Variants in PPFIA2 observed in about 807,000 individuals in gnomAD.
PPFIA2 encodes PPFI scaffold protein A2, also known as liprin-alpha-2.
A neutral mutation model predicts 175.5 loss-of-function variants in PPFIA2; 46 were observed. The ratio of observed to expected loss-of-function variants is 0.26; its 90% CI spans 0.21 to 0.34. PPFIA2 has a LOEUF of 0.34. Ranked by LOEUF, PPFIA2 falls within the 10% of genes least tolerant of loss-of-function variation. PPFIA2 has a pLI of 1.00. For missense variants in PPFIA2, 1,179 were observed against 1,506.1 expected (o/e 0.78, Z 3.60); for synonymous variants, 568 against 511.4 (o/e 1.11, Z -1.49).
chr12:81,402,252 T>C (rs2042207158), intron 8 of PPFIA2, among the ~76,000 whole-genome samples: 1 of 152,202 alleles, frequency 6.6e-6, no homozygotes, highest in Non-Finnish European at 1.5e-5. Flanking sequence ...CACTTTTCAA[T>C]TTACACACTA....
chr12:81,421,280 A>G (rs1272018671), intron 7 of PPFIA2, among the ~76,000 whole-genome samples: 5 of 152,114 alleles, frequency 3.3e-5, no homozygotes, highest in Non-Finnish European at 7.4e-5. Context: ...TTAAAGTAAC[A>G]TTATAATTGT....
intron 4 of PPFIA2, among the ~76,000 whole-genome samples, chr12:81,490,774 A>G (rs1288835775): frequency 6.6e-6 from 1 of 151,710 alleles, no homozygotes; most frequent in Non-Finnish European, 1.5e-5. Context: ...TTGTTTTTTG[A>G]CTGCTGTTTA....
chr12:81,478,146 A>G (rs2057722905), intron 4 of PPFIA2, among the ~76,000 whole-genome samples: 2 of 152,078 alleles, frequency 1.3e-5, no homozygotes, highest in Admixed American at 1.3e-4. Context: ...CGGAGGGTGT[A>G]TATGTCCAGG....
chr12:81,548,082 A>G (rs1221433198), intron 4 of PPFIA2, among the ~76,000 whole-genome samples: 2 of 152,312 alleles, frequency 1.3e-5, no homozygotes, highest in East Asian at 3.9e-4. Context: ...TTGCTACTAT[A>G]TATCGTAATT....
intron 22 of PPFIA2, among the ~76,000 whole-genome samples, chr12:81,322,155 C>T (rs1048888696): frequency 1.5e-4 from 23 of 152,056 alleles, no homozygotes; most frequent in African/African-American, 3.1e-4. Flanking sequence ...TGGCTTTAAT[C>T]GGCTATCCTG....
rs529443610 is a variant in PPFIA2 at position 81,259,561 on chromosome 12, C to T, written c.*133G>A. ...TTTTTCAGCTTTTAATAAGTCATGA[C>T]GTCATTATTTCCTTAGAATTCAGTT... On this transcript the variant is annotated 3_prime_UTR_variant, in exon 33 of 33. Coordinates refer to ENST00000549396, the MANE Select transcript of PPFIA2 (RefSeq NM_003625.5). 3.5e-5 allele frequency: 49 copies of T among 1,398,936 alleles called. No individual in the cohort carries two copies. The highest frequency in any genetic ancestry group is 4.5e-5 in the Non-Finnish European group (46 of 1,024,700). 86.7% of individuals were successfully genotyped at this position (1,398,936 alleles called of 1,614,324 possible). A position where few individuals can be genotyped will look rare whatever the true frequency, so the allele number is the denominator to read the frequency against.
intron 4 of PPFIA2, among the ~76,000 whole-genome samples, chr12:81,645,608 G>A (rs971205244): frequency 6.6e-6 from 1 of 152,210 alleles, no homozygotes; most frequent in African/African-American, 2.4e-5. Context: ...AGAAAGCTGA[G>A]TACTTAAGAC....
chr12:81,264,215 A>G (rs2036526294), intron 30 of PPFIA2, among the ~76,000 whole-genome samples: 1 of 152,190 alleles, frequency 6.6e-6, no homozygotes, highest in African/African-American at 2.4e-5. Flanking sequence ...GGGTGAATCC[A>G]CATTTTAGAA....
At chr12:81,632,105 T>C (rs994514576) in intron 4 of PPFIA2, among the ~76,000 whole-genome samples, 9 of 152,226 alleles carry the variant, frequency 5.9e-5, no homozygotes, top group Non-Finnish European at 1.2e-4. Context: ...AATACAACTT[T>C]AGAAAATATT....
At position 81,589,482 on chromosome 12, in the gene PPFIA2, G is replaced by A. The variant is rs577750711; in HGVS notation, c.303+87309C>T. Among the ~76,000 whole-genome samples the A allele has an allele frequency of 4.6e-5, 7 of 152,204 alleles. No individual in the cohort carries two copies. In the East Asian group the frequency reaches 1.2e-3, roughly 25 times the overall value. ...AATACTATCAGTAACGACTACATGA[G>A]GGGGTGTAGTTAAATAAAAGCCTTA... On this transcript the variant is annotated intron_variant, in intron 4 of 32. Transcript: ENST00000549396.
At chr12:81,301,497 A>T (rs1471462039) in intron 22 of PPFIA2, among the ~76,000 whole-genome samples, 2 of 152,172 alleles carry the variant, frequency 1.3e-5, no homozygotes, top group Non-Finnish European at 2.9e-5. Flanking sequence ...GAAACTTCTG[A>T]CTAGTTCCCT....
At chr12:81,744,963 C>G (rs751159791) in intron 3 of PPFIA2, among the ~76,000 whole-genome samples, 49 of 151,850 alleles carry the variant, frequency 3.2e-4, no homozygotes, top group Admixed American at 2.6e-4. Flanking sequence ...GTAATAACAA[C>G]AGCCTCATTG....
chr12:81,424,072 G>T (rs2046749454), intron 7 of PPFIA2, among the ~76,000 whole-genome samples: 1 of 151,934 alleles, frequency 6.6e-6, no homozygotes, highest in Non-Finnish European at 1.5e-5. Flanking sequence ...TTTAATATCT[G>T]TGCATTCTAG....
chr12:81,276,528 C>T (rs2040575933), intron 28 of PPFIA2, among the ~76,000 whole-genome samples: 1 of 152,068 alleles, frequency 6.6e-6, no homozygotes, highest in South Asian at 2.1e-4. Flanking sequence ...ACATATTCCT[C>T]TTTGAAATTA....
At chr12:81,405,016 A>G (rs1681036398) in intron 8 of PPFIA2, among the ~76,000 whole-genome samples, 1 of 152,140 alleles carries the variant, frequency 6.6e-6, no homozygotes, top group Non-Finnish European at 1.5e-5. Context: ...CCAACACAGG[A>G]TGTGTGAATG....
chr12:81,381,074 C>A (rs956652633), intron 9 of PPFIA2, among the ~76,000 whole-genome samples: 6 of 151,472 alleles, frequency 4.0e-5, no homozygotes, highest in Non-Finnish European at 8.8e-5. Flanking sequence ...GTTTCATCAA[C>A]GCCATCAGTT....
chr12:81,739,291 C>G (rs1159049755), intron 3 of PPFIA2, among the ~76,000 whole-genome samples: 1 of 151,926 alleles, frequency 6.6e-6, no homozygotes, highest in African/African-American at 2.4e-5. Flanking sequence ...GGAATACTAG[C>G]TGAAGAGATT....
At chr12:81,411,804 A>C (rs1175942229) in intron 7 of PPFIA2, among the ~76,000 whole-genome samples, 2 of 152,056 alleles carry the variant, frequency 1.3e-5, no homozygotes, top group African/African-American at 4.8e-5. Context: ...TGGGGAAAAT[A>C]AGTTATAAAC....
intron 28 of PPFIA2, among the ~76,000 whole-genome samples, chr12:81,269,994 C>A (rs900441335): frequency 1.1e-4 from 16 of 151,936 alleles, no homozygotes; most frequent in Admixed American, 1.0e-3. Flanking sequence ...GATGAGTGGA[C>A]CAAAATGTCA....
Sources: allele counts gnomAD v4.1 joint callset (sites outside exome capture counted in the v4.1 genomes callset), GRCh38; gene constraint gnomAD v4.1.1; transcripts MANE v1.5; gene names NCBI Gene and HGNC (gene_info 2026-07-23, HGNC 2026-07-21).